Variants in SIN3A observed in about 807,000 individuals in gnomAD.
The protein encoded by SIN3A is SIN3 transcription regulator family member A.
SIN3A carries 14 observed loss-of-function variants against 146.1 expected under a neutral mutation model. The ratio of observed to expected loss-of-function variants is 0.10; its 90% confidence interval spans 0.06 to 0.15. SIN3A has a LOEUF of 0.15. SIN3A is among the 10% of genes least tolerant of loss of function. The pLI is 1.00. For missense variants in SIN3A, 1,028 were observed against 1,576.0 expected (o/e 0.65, Z 5.89); for synonymous variants, 572 against 572.0 (o/e 1.00, Z 0.00).
At chr15:75,396,638 T>G in intron 12 of SIN3A, 142 bp from the exon 13 acceptor site, 1 of 623,322 alleles carries the variant, frequency 1.6e-6, no homozygotes, top group Non-Finnish European at 2.8e-6. Context: ...GACTGTTTCT[T>G]TATCAGCAAA....
At chr15:75,447,738 C>T (rs1034028690) in intron 1 of SIN3A, 2 of 152,150 alleles carry the variant, frequency 1.3e-5, no homozygotes, top group African/African-American at 4.8e-5. Flanking sequence ...GTCAGCAAGC[C>T]TAGCCCTGGA....
chr15:75,385,158 G>A (rs565277293), intron 16 of SIN3A, among the ~76,000 whole-genome samples: 1 of 152,184 alleles, frequency 6.6e-6, no homozygotes, highest in Non-Finnish European at 1.5e-5. Context: ...GTGAGCTGGG[G>A]TGAGGAAGGG....
rs548132893 is a variant in SIN3A, at chr15:75,371,926, G to GCCCACACACACATC, written c.*39_*52dup. ...GTTTCTTCAGTGTGTGAGTGCATAG[G>GCCCACACACACATC]CCCACACACACATCCCCACACACAC... On this transcript the variant is annotated 3_prime_UTR_variant, in exon 21 of 21. Transcript: ENST00000394947. The GCCCACACACACATC allele has an allele frequency of 2.7e-6, 4 of 1,481,786 alleles. No homozygotes were observed. Among genetic ancestry groups the GCCCACACACACATC allele is most frequent in the Non-Finnish European group, 3.8e-6 (4 of 1,062,734 alleles). The allele number at this position is 1,481,786 out of a possible 1,614,324, so 91.8% of individuals were successfully genotyped here.
intron 2 of SIN3A, among the ~76,000 whole-genome samples, chr15:75,426,512 C>T (rs1168837188): frequency 6.6e-6 from 1 of 152,306 alleles, no homozygotes; most frequent in East Asian, 1.9e-4. Context: ...AGGTCACTAA[C>T]AAATGAGGTT....
At chr15:75,429,717 C>G (rs1457205069) in intron 2 of SIN3A, among the ~76,000 whole-genome samples, 1 of 152,080 alleles carries the variant, frequency 6.6e-6, no homozygotes, top group African/African-American at 2.4e-5. Context: ...CCCAATAGTC[C>G]AACAGTAGAA....
At chr15:75,428,012 AAAAT>A (rs947231377) in intron 2 of SIN3A, among the ~76,000 whole-genome samples, 3 of 151,794 alleles carry the variant, frequency 2.0e-5, no homozygotes, top group Non-Finnish European at 3.0e-5. Flanking sequence ...AATAAAATAA[AAAAT>A]AAAAAAACCA....
intron 1 of SIN3A, chr15:75,446,391 G>C (rs1042745421): frequency 1.3e-5 from 2 of 149,600 alleles, no homozygotes; most frequent in Non-Finnish European, 3.0e-5. Context: ...ATGAAGGCTG[G>C]GTAGCTGAAG....
At chr15:75,423,152 C>T (rs920433704) in intron 2 of SIN3A, among the ~76,000 whole-genome samples, 3 of 151,882 alleles carry the variant, frequency 2.0e-5, no homozygotes, top group African/African-American at 7.3e-5. Flanking sequence ...GCAACATGCA[C>T]CTGTGGTCCC....
At chr15:75,409,648 A>C (rs2073591635) in intron 8 of SIN3A, among the ~76,000 whole-genome samples, 188 bp downstream of exon 8, 1 of 151,502 alleles carries the variant, frequency 6.6e-6, no homozygotes, top group Non-Finnish European at 1.5e-5. Flanking sequence ...AATCGCTTGA[A>C]CCCGGGAGGC....
intron 12 of SIN3A, 39 bp downstream of exon 12, chr15:75,400,001 C>A (rs1338163720): frequency 1.8e-6 from 2 of 1,123,582 alleles, no homozygotes; most frequent in Non-Finnish European, 2.7e-6. Context: ...CTGAGCATCT[C>A]CCATTTCCCC....
In SIN3A at chr15:75,389,765, G is replaced by A; in HGVS notation, c.2908C>T (p.Leu970=). 6.2e-7 allele frequency: 1 copy of A among 1,614,068 alleles called. No individual in the cohort carries two copies. The highest frequency in any genetic ancestry group is 2.2e-5 in the East Asian group (1 of 44,878). Residue 970 remains leucine, a synonymous_variant, in exon 16 of 21, where the codon CTG becomes TTG. Coordinates refer to ENST00000394947, the MANE Select transcript of SIN3A (RefSeq NM_001145358.2). ...TGTGATGAGTCTATGTTGCCATCCA[G>A]CAGGCTCCGCACCATGTCCAGGAAA... ...PAFLDMVRSL[L]DGNIDSSQYE...
chr15:75,413,861 A>G (rs1428159126), intron 4 of SIN3A, among the ~76,000 whole-genome samples: 5 of 152,230 alleles, frequency 3.3e-5, no homozygotes, highest in South Asian at 2.1e-4. Context: ...ACACATCTAC[A>G]TTGTTCAGAT....
At chr15:75,450,148 T>C (rs945749254) in intron 1 of SIN3A, among the ~76,000 whole-genome samples, 2 of 151,640 alleles carry the variant, frequency 1.3e-5, no homozygotes, top group Non-Finnish European at 2.9e-5. Flanking sequence ...CTGTCAGAGA[T>C]ATCGGAGTAT....
At chr15:75,374,566 G>A (rs2072818013) in intron 20 of SIN3A, among the ~76,000 whole-genome samples, 1 of 152,168 alleles carries the variant, frequency 6.6e-6, no homozygotes, top group South Asian at 2.1e-4. Context: ...TTTGTCAAAT[G>A]TCCCAGTGCA....
At chr15:75,419,046 C>T (rs546045743) in intron 3 of SIN3A, among the ~76,000 whole-genome samples, 26 of 152,216 alleles carry the variant, frequency 1.7e-4, no homozygotes, top group Non-Finnish European at 3.5e-4. Context: ...CGTGAGCCAC[C>T]GCACCCGGCC....
At position 75,412,763 on chromosome 15, in the gene SIN3A, C is replaced by G. The variant is rs1371179663; in HGVS notation, c.756G>C (p.Lys252Asn). ...GATGCAATATTTTCCAAGTGCTCACCTTGCTGACTTTGGCAGGTGGGGGCT... is the reference window on the plus strand; with the variant it reads ...GATGCAATATTTTCCAAGTGCTCACGTTGCTGACTTTGGCAGGTGGGGGCT... ...APQPPPAKVS[K>N]PSQLQAHTPA... Residue 252 changes from lysine to asparagine, a missense_variant and splice_region_variant, in exon 5 of 21, where the codon AAG becomes AAC. This residue lies in a region of SIN3A where 112 missense variants were observed against 135.7 expected (regional missense o/e 0.83). Coordinates refer to ENST00000394947, the MANE Select transcript of SIN3A (RefSeq NM_001145358.2). 6.4e-7 allele frequency: 1 copy of G among 1,572,310 alleles called. No homozygotes were observed. Among genetic ancestry groups the G allele is most frequent in the African/African-American group, 1.4e-5 (1 of 73,328 alleles).
intron 3 of SIN3A, among the ~76,000 whole-genome samples, chr15:75,418,470 T>A (rs534561073): frequency 2.6e-5 from 4 of 151,644 alleles, no homozygotes; most frequent in African/African-American, 9.7e-5. Context: ...GGATTACAGG[T>A]GCATGCCATC....
intron 9 of SIN3A, 85 bp downstream of exon 9, chr15:75,406,970 T>A: frequency 1.0e-6 from 1 of 984,238 alleles, no homozygotes; most frequent in Non-Finnish European, 1.5e-6. Context: ...GCCTGACACC[T>A]TTAAAACGAA....
At chr15:75,441,928 G>A (rs999418284) in intron 1 of SIN3A, among the ~76,000 whole-genome samples, 5 of 151,546 alleles carry the variant, frequency 3.3e-5, no homozygotes, top group Non-Finnish European at 4.4e-5. Flanking sequence ...AGACCATCCT[G>A]GCTAAAACGG....
Sources: gnomAD v4.1 joint callset for allele counts (sites outside exome capture counted in the v4.1 genomes callset) on GRCh38, gnomAD v4.1.1 for gene constraint, gnomAD v4.1.1 regional missense constraint, MANE v1.5 for transcripts, NCBI Gene and HGNC (gene_info 2026-07-23, HGNC 2026-07-21) for gene names.